The following EFCAB13 variants were observed in gnomAD, a reference collection of about 807,000 sequenced individuals.
EFCAB13 encodes EF-hand calcium binding domain 13, also known as EF-hand calcium-binding domain-containing protein 13.
EFCAB13 carries 91 observed loss-of-function variants against 110.2 expected under a neutral mutation model. The ratio of observed to expected loss-of-function variants is 0.83; its 90% CI spans 0.70 to 0.98. The LOEUF (loss-of-function observed/expected upper bound fraction) is 0.98. EFCAB13 is among the 50% of genes least tolerant of loss of function. The probability of loss-of-function intolerance (pLI) is 0.00; values close to 1 mark genes in which losing one functional copy is unlikely to be tolerated. For synonymous variants in EFCAB13, 323 were observed against 369.9 expected, an observed-to-expected ratio of 0.87 and a Z score of 1.45; for missense variants, 968 against 1,119.4, an observed-to-expected ratio of 0.86 and a Z score of 1.93.
chr17:47,431,037 A>G lies in EFCAB13; in HGVS notation c.2638+1076A>G, dbSNP rs1480197397. ...GTATGTGTGATATTTTGATACAAGT[A>G]TTCAATATATAATGATCAAATCAGG... is the stretch of plus-strand genomic sequence containing the variant. On this transcript the variant is annotated intron_variant, in intron 24 of 24. Coordinates refer to ENST00000331493, the MANE Select transcript of EFCAB13 (RefSeq NM_152347.5). This position sits in a 1 kb window ranked among gnomAD's most constrained non-coding sequence, Gnocchi z 4.1. 6.6e-6 allele frequency among the ~76,000 whole-genome samples: 1 copy of G among 152,114 alleles called. No homozygotes were observed. Among genetic ancestry groups the G allele is most frequent in the Non-Finnish European group, 1.5e-5 (1 of 67,972 alleles).
intron 9 of EFCAB13, among the ~76,000 whole-genome samples, chr17:47,348,851 C>A (rs141297697): frequency 1.2e-4 from 19 of 152,128 alleles, no homozygotes; most frequent in Admixed American, 1.2e-3. Flanking sequence ...TTATTCCATT[C>A]TGTTGCTTGT....
At chr17:47,375,103 AT>A in intron 12 of EFCAB13, 137 bp downstream of exon 12, 1 of 1,081,252 alleles carries the variant, frequency 9.2e-7, no homozygotes, top group Non-Finnish European at 1.2e-6. Context: ...TAATTTTTAA[AT>A]TATTTATAGA....
intron 14 of EFCAB13, among the ~76,000 whole-genome samples, chr17:47,385,958 G>T (rs1177251750): frequency 6.6e-6 from 1 of 152,182 alleles, no homozygotes; most frequent in East Asian, 1.9e-4. Context: ...ACTAGTGTAG[G>T]CTGCAGAACA....
intron 9 of EFCAB13, among the ~76,000 whole-genome samples, chr17:47,353,668 G>A (rs1486264929): frequency 2.6e-5 from 4 of 151,944 alleles, no homozygotes; most frequent in Non-Finnish European, 4.4e-5. Context: ...GCAAGTAAAG[G>A]GCAATAAAAA....
At chr17:47,420,726 A>G (rs1205894675) in intron 23 of EFCAB13, among the ~76,000 whole-genome samples, 7 of 136,874 alleles carry the variant, frequency 5.1e-5, no homozygotes, top group South Asian at 2.4e-4. Context: ...GCCCCATCTG[A>G]GAAGTGAGGA....
chr17:47,386,437 C>T (rs2065676618), intron 14 of EFCAB13, among the ~76,000 whole-genome samples: 1 of 152,158 alleles, frequency 6.6e-6, no homozygotes. Flanking sequence ...GCCTTTTTAG[C>T]GCTGTCAGGG....
At chr17:47,398,615 G>A (rs1204701172) in intron 17 of EFCAB13, among the ~76,000 whole-genome samples, 2 of 151,604 alleles carry the variant, frequency 1.3e-5, no homozygotes, top group Non-Finnish European at 3.0e-5. Flanking sequence ...ATTAAGGGCG[G>A]TGCAAGATGT....
At chr17:47,393,638 C>T (rs955600152) in intron 15 of EFCAB13, among the ~76,000 whole-genome samples, 2 of 151,674 alleles carry the variant, frequency 1.3e-5, no homozygotes, top group Non-Finnish European at 2.9e-5. Context: ...ATCGCTTGAA[C>T]CTGGGAGGTG....
Position 47,335,328 on chromosome 17 carries a change from A to G in EFCAB13, c.163A>G (p.Arg55Gly). The G allele has an allele frequency of 1.2e-6, 2 of 1,604,502 alleles. No individual in the cohort carries two copies. The highest frequency in any genetic ancestry group is 2.2e-5 in the East Asian group (1 of 44,732). ...TIEKEISPEI[R>G]SLSPEYKKIF... is the part of the protein sequence containing the mutation. ...AGAGAAGGAAATTTCACCGGAAATTAGGAGTTTGAGCCCAGAATATAAAAA... is the reference window on the plus strand; with the variant it reads ...AGAGAAGGAAATTTCACCGGAAATTGGGAGTTTGAGCCCAGAATATAAAAA... The change falls in exon 5 of 25, where the codon AGG (arginine) becomes GGG (glycine). Residue 55 changes from arginine (R) to glycine (G), a missense_variant. By Grantham distance (125) the Arg-to-Gly change is moderately radical. Coordinates refer to ENST00000331493, the MANE Select transcript of EFCAB13 (RefSeq NM_152347.5).
At chr17:47,380,543 A>G (rs549609226) in intron 14 of EFCAB13, among the ~76,000 whole-genome samples, 1 of 152,278 alleles carries the variant, frequency 6.6e-6, no homozygotes, top group Admixed American at 6.5e-5. Flanking sequence ...ATAAACATAC[A>G]TGTGCATGTG....
At chr17:47,438,351 C>T (rs1905249698) in intron 24 of EFCAB13, among the ~76,000 whole-genome samples, 2 of 152,114 alleles carry the variant, frequency 1.3e-5, no homozygotes, top group Admixed American at 6.6e-5. Context: ...GATATCAAGG[C>T]CAGGGAAGTT....
chr17:47,333,019 T>A (rs544356867), intron 4 of EFCAB13, among the ~76,000 whole-genome samples: 2 of 152,330 alleles, frequency 1.3e-5, no homozygotes, highest in African/African-American at 4.8e-5. Context: ...GTACTAACAT[T>A]CATACCAACA....
intron 18 of EFCAB13, among the ~76,000 whole-genome samples, chr17:47,403,214 A>G (rs1411328670): frequency 3.3e-5 from 5 of 152,344 alleles, no homozygotes; most frequent in Admixed American, 3.3e-4. Context: ...TTCTATAAAT[A>G]TGACATTTAT....
chr17:47,396,344 T>C (rs1342016207), intron 17 of EFCAB13, among the ~76,000 whole-genome samples: 4 of 152,134 alleles, frequency 2.6e-5, no homozygotes, highest in African/African-American at 9.7e-5. Flanking sequence ...TACTGTTTTG[T>C]TGAAATAGGC....
intron 19 of EFCAB13, 117 bp downstream of exon 19, chr17:47,404,138 C>A (rs1350617394): frequency 1.2e-6 from 1 of 823,328 alleles, no homozygotes; most frequent in Non-Finnish European, 1.8e-6. Flanking sequence ...CGGAGCCTTT[C>A]CTCTTAATTT....
At chr17:47,426,007 T>C (rs1249726340) in intron 23 of EFCAB13, among the ~76,000 whole-genome samples, 1 of 152,198 alleles carries the variant, frequency 6.6e-6, no homozygotes, top group Admixed American at 6.5e-5. Flanking sequence ...TATCATGATA[T>C]TTTTAGTAGA....
Position 47,425,442 on chromosome 17 carries a change from T to C in EFCAB13, c.2495-4376T>C, listed in dbSNP as rs188923876. On this transcript the variant is annotated intron_variant, in intron 23 of 24. Transcript: ENST00000331493. ...TATAGGTTATTGTACTGACCATGAATCTAGTTCCCATCATGACTTAGAAGG... is the reference window on the plus strand; with the variant it reads ...TATAGGTTATTGTACTGACCATGAACCTAGTTCCCATCATGACTTAGAAGG... Among the ~76,000 whole-genome samples the C allele has an allele frequency of 2.5e-4, 38 of 152,326 alleles. No homozygotes were observed. The East Asian group carries it at 4.1e-3, about 16-fold the overall frequency.
rs758241589 is a variant in EFCAB13, at chr17:47,370,459, G to A, written c.828G>A (p.Gly276=). The A allele has an allele frequency of 6.2e-7, 1 of 1,604,788 alleles. No individual in the cohort carries two copies. The highest frequency in any genetic ancestry group is 8.5e-7 in the Non-Finnish European group (1 of 1,172,048). ...YIDSNHMVDI[G]DIIFTLNELQ... Reference sequence around the variant, plus strand: ...CAGGTAACCACATGGTGGATATTGGGGATATTATATTTACTTTGAATGAGC... The same window carrying A: ...CAGGTAACCACATGGTGGATATTGGAGATATTATATTTACTTTGAATGAGC... Residue 276 remains glycine (G), a synonymous_variant, in exon 11 of 25, where the codon GGG becomes GGA. Transcript: ENST00000331493.
At chr17:47,397,329 G>T (rs901008217) in intron 17 of EFCAB13, among the ~76,000 whole-genome samples, 3 of 152,176 alleles carry the variant, frequency 2.0e-5, no homozygotes, top group African/African-American at 7.2e-5. Context: ...TGGTGCCCAG[G>T]CTGGAGTGCA....
Sources: gnomAD v4.1 joint callset for allele counts (sites outside exome capture counted in the v4.1 genomes callset) on GRCh38, gnomAD v4.1.1 for gene constraint, Gnocchi (gnomAD v3.1) non-coding constraint, MANE v1.5 for transcripts, NCBI Gene and HGNC (gene_info 2026-07-23, HGNC 2026-07-21) for gene names.